The following MTMR10 variants were observed in gnomAD, a reference collection of about 807,000 sequenced individuals.
The protein encoded by MTMR10 is myotubularin-related protein 10.
Under a neutral mutation model 88.1 loss-of-function variants are expected in MTMR10, and 56 were observed. That is an observed-to-expected ratio of 0.64 (90% confidence interval 0.51 to 0.79). The LOEUF (loss-of-function observed/expected upper bound fraction) is 0.79. MTMR10 is among the 30% of genes least tolerant of loss of function. MTMR10 has a pLI of 0.00. For missense variants in MTMR10, 883 were observed against 924.7 expected (o/e 0.95, Z 0.58); for synonymous variants, 380 against 340.9 (o/e 1.11, Z -1.26).
At chr15:30,929,899 A>T in the MTMR10 span, among the ~76,000 whole-genome samples, 182 of 75,434 alleles carry the variant, frequency 2.4e-3, 3 homozygotes, top group Non-Finnish European at 3.6e-3. Context: ...CATATATAAT[A>T]TATAAAATAT....
chr15:30,982,989 T>A lies in MTMR10; in HGVS notation c.122-6034A>T, dbSNP rs115911458. 3.3e-3 allele frequency among the ~76,000 whole-genome samples: 496 copies of A among 152,302 alleles called. 2 individuals are homozygous for A. The highest frequency in any genetic ancestry group is 0.011 in the African/African-American group (456 of 41,566). ...GGTACTGAGACTGCTCTTGTTCACATGTTAAATTAAGTGACCTTGAAGAGA... is the reference window on the plus strand; with the variant it reads ...GGTACTGAGACTGCTCTTGTTCACAAGTTAAATTAAGTGACCTTGAAGAGA... On this transcript the variant is annotated intron_variant, in intron 2 of 15. Coordinates refer to ENST00000435680, the MANE Select transcript of MTMR10 (RefSeq NM_017762.3).
intron 6 of MTMR10, among the ~76,000 whole-genome samples, chr15:30,965,425 A>G (rs1386251827): frequency 6.6e-6 from 1 of 152,264 alleles, no homozygotes; most frequent in East Asian, 1.9e-4. Context: ...ACTAGGCTGC[A>G]GATAACTTCA....
Position 30,974,935 on chromosome 15 carries a change from G to A in MTMR10, c.327C>T (p.Val109=), listed in dbSNP as rs529636526. 7 of 1,559,288 alleles carry A rather than the reference G, an allele frequency of 4.5e-6. No homozygotes were observed. The African/African-American group carries it at 8.1e-5, about 18-fold the overall frequency. ...DVPLTCIEQI[V]TVNDHKRKQK... is the part of the protein sequence containing the mutation. ...TATGTACGGAATACTACGTACCTGT[G>A]ACAATTTGCTCAATACATGTTAAAG... Residue 109 remains valine, a synonymous_variant, in exon 4 of 16, where the codon GTC becomes GTT. Coordinates refer to ENST00000435680, the MANE Select transcript of MTMR10 (RefSeq NM_017762.3).
At chr15:30,964,085 C>T (rs1002009837) in intron 6 of MTMR10, among the ~76,000 whole-genome samples, 3 of 151,166 alleles carry the variant, frequency 2.0e-5, no homozygotes, top group Admixed American at 1.3e-4. Context: ...GGGTGTTTAT[C>T]AAAAAGACAT....
At chr15:30,923,574 G>A in the MTMR10 span, among the ~76,000 whole-genome samples, 1 of 152,136 alleles carries the variant, frequency 6.6e-6, no homozygotes, top group East Asian at 1.9e-4. Flanking sequence ...GGAAGGGATC[G>A]CCTAGCTGAG....
At chr15:30,976,259 G>A (rs890065258) in intron 3 of MTMR10, among the ~76,000 whole-genome samples, 2 of 151,850 alleles carry the variant, frequency 1.3e-5, no homozygotes, top group Non-Finnish European at 2.9e-5. Flanking sequence ...ACAGTTAGCC[G>A]GGAGTGGTGG....
intron 14 of MTMR10, chr15:30,943,782 T>C (rs771106673): frequency 1.1e-4 from 110 of 985,302 alleles, no homozygotes; most frequent in Admixed American, 1.2e-4. Flanking sequence ...AACCACCGCA[T>C]TGTGAGGAAG....
chr15:30,973,320 CATATTTTCAGAT>C (rs1450628264), intron 5 of MTMR10, among the ~76,000 whole-genome samples: 1 of 152,072 alleles, frequency 6.6e-6, no homozygotes, highest in Non-Finnish European at 1.5e-5. Flanking sequence ...TAGACAGTCA[CATATTTTCAGAT>C]GTATTTTCAT....
Position 30,942,023 on chromosome 15 carries a change from C to G in MTMR10, c.1781G>C (p.Gly594Ala). 6.2e-7 allele frequency: 1 copy of G among 1,613,920 alleles called. No homozygotes were observed. Among genetic ancestry groups the G allele is most frequent in the Middle Eastern group, 1.6e-4 (1 of 6,062 alleles). ...AAGTAATTCTTGGTCACTGATGATTCCATTCTTTAAGGCAGACGGCATTCC... is the reference window on the plus strand; with the variant it reads ...AAGTAATTCTTGGTCACTGATGATTGCATTCTTTAAGGCAGACGGCATTCC... ...LRGMPSALKNGIISDQELLPR... is the reference protein window; with the variant it reads ...LRGMPSALKNAIISDQELLPR... The change falls in exon 16 of 16, where the codon GGA becomes GCA. Residue 594 changes from glycine (G) to alanine (A), a missense_variant. Around this residue, in one of 3 missense-constraint regions of MTMR10, gnomAD observed 343 missense variants for 323.2 expected, o/e 1.06. Transcript: ENST00000435680.
chr15:30,946,331 A>G (rs746813890), intron 14 of MTMR10: 15 of 175,118 alleles, frequency 8.6e-5, no homozygotes, highest in African/African-American at 1.4e-4. Context: ...GACTAAAGGC[A>G]TAAGTGTTAG....
At chr15:30,923,177 C>T in the MTMR10 span, among the ~76,000 whole-genome samples, 2 of 152,050 alleles carry the variant, frequency 1.3e-5, no homozygotes, top group African/African-American at 2.4e-5. Flanking sequence ...TTTTTATTGC[C>T]GTAAACTGAA....
chr15:30,966,338 T>C (rs1025705747), intron 6 of MTMR10, among the ~76,000 whole-genome samples: 10 of 152,036 alleles, frequency 6.6e-5, no homozygotes, highest in South Asian at 2.1e-4. Context: ...TGAAGAAAAA[T>C]GTGGAAAGTA....
At chr15:30,942,277 T>TA in intron 15 of MTMR10, 2 of 656,614 alleles carry the variant, frequency 3.0e-6, no homozygotes, top group South Asian at 4.1e-5. Context: ...CCTAGGCTGT[T>TA]ACTATCAGCC....
rs759136551 is a variant in MTMR10 at position 30,947,313 on chromosome 15, AAG to A, written c.1378-15_1378-14del. The A allele has an allele frequency of 2.5e-6, 4 of 1,611,610 alleles. No individual in the cohort carries two copies. Among genetic ancestry groups the A allele is most frequent in the Non-Finnish European group, 3.4e-6 (4 of 1,178,900 alleles). Reference sequence around the variant, plus strand: ...AAAATAAAGGAGACTGGCAAATACAAAGAGACAATGGGATCATTTAATGTTAT... The same window carrying A: ...AAAATAAAGGAGACTGGCAAATACAAAGACAATGGGATCATTTAATGTTAT... On this transcript the variant is annotated splice_polypyrimidine_tract_variant and intron_variant, in intron 13 of 15. Transcript: ENST00000435680.
chr15:30,929,692 A>AAATATATAATATATCATATAATATATATG, the MTMR10 span, among the ~76,000 whole-genome samples: 1 of 87,980 alleles, frequency 1.1e-5, no homozygotes, highest in Non-Finnish European at 2.1e-5. Flanking sequence ...TAATATATAT[A>AAATATATAATATATCATATAATATATATG]AAATATATAT....
chr15:30,942,430 G>A (rs1595904756), intron 15 of MTMR10: 2 of 322,082 alleles, frequency 6.2e-6, no homozygotes, highest in East Asian at 1.2e-4. Flanking sequence ...GAGGCCAAAT[G>A]TCTGATTCTT....
downstream of MTMR10, among the ~76,000 whole-genome samples, chr15:30,936,428 G>GT (rs2140970040): frequency 6.6e-6 from 1 of 152,294 alleles, no homozygotes; most frequent in Non-Finnish European, 1.5e-5. Flanking sequence ...AATTGAAAAT[G>GT]TAACAGAGTA....
At chr15:30,952,999 A>C (rs2063271868) in intron 11 of MTMR10, among the ~76,000 whole-genome samples, 1 of 152,126 alleles carries the variant, frequency 6.6e-6, no homozygotes, top group African/African-American at 2.4e-5. Context: ...CATGTTGGCC[A>C]GGCTGGTCTT....
At position 30,940,517 on chromosome 15, in the gene MTMR10, A is replaced by G; in HGVS notation, c.*953T>C. On this transcript the variant is annotated 3_prime_UTR_variant, in exon 16 of 16. Transcript: ENST00000435680. ...GTTATTTCCAGGGGGAAGTGCCAGC[A>G]ATAGTTTACCACACTGGAAATACTG... 1.0e-6 allele frequency: 1 copy of G among 985,470 alleles called. No homozygotes were observed. Among genetic ancestry groups the G allele is most frequent in the African/African-American group, 1.7e-5 (1 of 57,362 alleles). The allele number at this position is 985,470 out of a possible 1,614,324, so 61.0% of individuals were successfully genotyped here. A position where few individuals can be genotyped will look rare whatever the true frequency, so the allele number is the denominator to read the frequency against.
Sources: allele counts gnomAD v4.1 joint callset (sites outside exome capture counted in the v4.1 genomes callset), GRCh38; gene constraint gnomAD v4.1.1; regional missense constraint gnomAD v4.1.1; transcripts MANE v1.5; gene names NCBI Gene and HGNC (gene_info 2026-07-23, HGNC 2026-07-21).